The following ERBB4 variants were observed in gnomAD, a reference collection of about 807,000 sequenced individuals.
ERBB4 encodes receptor tyrosine-protein kinase erbB-4.
Under a neutral mutation model 158.0 loss-of-function variants are expected in ERBB4, and 42 were observed. That is an observed-to-expected ratio of 0.27 (90% CI 0.21 to 0.34). The LOEUF is 0.34. Among genes scored for constraint, ERBB4 ranks in the 10% least tolerant of loss-of-function variants. The pLI is 1.00. For synonymous variants in ERBB4, 583 were observed against 558.7 expected (o/e 1.04, Z -0.61); for missense variants, 1,333 against 1,624.1 (o/e 0.82, Z 3.08).
chr2:211,605,240 C>T lies in ERBB4; in HGVS notation c.2301+13937G>A, dbSNP rs576442520. 2.3e-3 allele frequency among the ~76,000 whole-genome samples: 355 copies of T among 152,142 alleles called. 2 individuals carry two copies. Among genetic ancestry groups the T allele is most frequent in the African/African-American group, 8.2e-3 (342 of 41,520 alleles). Reference sequence around the variant, plus strand: ...TATTGATTAGAAATGGGCAATGGTGCCTAAGCCCTGTAATGAGATGAATAC... The same window carrying T: ...TATTGATTAGAAATGGGCAATGGTGTCTAAGCCCTGTAATGAGATGAATAC... On this transcript the variant is annotated intron_variant, in intron 19 of 27. Coordinates refer to ENST00000342788, the MANE Select transcript of ERBB4 (RefSeq NM_005235.3).
At chr2:211,981,839 T>G (rs536265949) in intron 2 of ERBB4, among the ~76,000 whole-genome samples, 27 of 152,362 alleles carry the variant, frequency 1.8e-4, no homozygotes, top group African/African-American at 6.3e-4. Context: ...CAGATTTTGA[T>G]GCCTGAATTT....
At position 211,431,052 on chromosome 2, in the gene ERBB4, C is replaced by T. The variant is rs777679881; in HGVS notation, c.2536G>A (p.Ala846Thr). ...GGAGATTTCACTAAGACATTACGGG[C>T]TGCCAAATCCCGATGAACGAGTCGT... Reference protein sequence around the residue: ...ERRLVHRDLAARNVLVKSPNH... With the variant: ...ERRLVHRDLATRNVLVKSPNH... Residue 846 changes from alanine to threonine, a missense_variant, in exon 21 of 28, where the codon GCC becomes ACC. By Grantham distance (58) the Ala-to-Thr change is moderately conservative. Around this residue, in one of 5 missense-constraint regions of ERBB4, gnomAD observed 314 missense variants for 437.6 expected, o/e 0.72. Coordinates refer to ENST00000342788, the MANE Select transcript of ERBB4 (RefSeq NM_005235.3). The T allele has an allele frequency of 6.2e-7, 1 of 1,613,890 alleles. No individual in the cohort carries two copies. Among genetic ancestry groups the T allele is most frequent in the Non-Finnish European group, 8.5e-7 (1 of 1,179,796 alleles).
chr2:211,457,118 C>A (rs1191063204), intron 20 of ERBB4, among the ~76,000 whole-genome samples: 2 of 152,106 alleles, frequency 1.3e-5, no homozygotes, highest in Non-Finnish European at 2.9e-5. Context: ...GTTTAAGATT[C>A]TTAATTAAGA....
intron 11 of ERBB4, among the ~76,000 whole-genome samples, chr2:211,703,821 T>A (rs764861212): frequency 2.6e-5 from 4 of 152,170 alleles, no homozygotes; most frequent in Non-Finnish European, 5.9e-5. Flanking sequence ...TAACATCTGA[T>A]AAAAATGAAA....
intron 1 of ERBB4, among the ~76,000 whole-genome samples, chr2:212,312,059 T>C (rs1418128963): frequency 6.6e-6 from 1 of 150,956 alleles, no homozygotes. Context: ...AGCCACCCAG[T>C]TGTACTCTGA....
intron 1 of ERBB4, among the ~76,000 whole-genome samples, chr2:212,399,297 A>G (rs2091122606): frequency 6.6e-6 from 1 of 151,924 alleles, no homozygotes; most frequent in African/African-American, 2.4e-5. Context: ...TACCAATCCT[A>G]CCTATAGAAA....
At chr2:211,508,611 C>A (rs779411952) in intron 20 of ERBB4, among the ~76,000 whole-genome samples, 1 of 152,176 alleles carries the variant, frequency 6.6e-6, no homozygotes, top group Non-Finnish European at 1.5e-5. Context: ...TTTGACCCAG[C>A]AATCCCATTA....
At chr2:212,369,738 G>A (rs1490343839) in intron 1 of ERBB4, among the ~76,000 whole-genome samples, 1 of 151,984 alleles carries the variant, frequency 6.6e-6, no homozygotes, top group Non-Finnish European at 1.5e-5. Flanking sequence ...TCTGATGCCT[G>A]GCTGGACTGC....
chr2:212,458,132 T>C (rs139159177), intron 1 of ERBB4, among the ~76,000 whole-genome samples: 21 of 152,234 alleles, frequency 1.4e-4, no homozygotes, highest in African/African-American at 4.6e-4. Context: ...ATGTGTCATA[T>C]ACTTTGCCAT....
chr2:212,003,112 A>AGAAGGAAGGAAGGAAGGAAG lies in ERBB4; in HGVS notation c.235-55516_235-55497dup, dbSNP rs1217270481. Reference sequence around the variant, plus strand: ...GAGAGACAGAGACAGAAAGAAAGAAAGAAGGAAGGAAGGAAGGAAGGAAGG... The same window carrying AGAAGGAAGGAAGGAAGGAAG: ...GAGAGACAGAGACAGAAAGAAAGAAAGAAGGAAGGAAGGAAGGAAGGAAGGAAGGAAGGAAGGAAGGAAGG... On this transcript the variant is annotated intron_variant, in intron 2 of 27. Coordinates refer to ENST00000342788, the MANE Select transcript of ERBB4 (RefSeq NM_005235.3). 2.2e-3 allele frequency among the ~76,000 whole-genome samples: 106 copies of AGAAGGAAGGAAGGAAGGAAG among 48,182 alleles called. 3 individuals carry two copies. Among genetic ancestry groups the AGAAGGAAGGAAGGAAGGAAG allele is most frequent in the South Asian group, 7.1e-3 (6 of 850 alleles). 31.6% of individuals were successfully genotyped at this position (48,182 alleles called of 152,430 possible).
intron 4 of ERBB4, among the ~76,000 whole-genome samples, chr2:211,773,621 TATATATA>T (rs1299366050): frequency 3.2e-5 from 2 of 63,020 alleles, no homozygotes; most frequent in African/African-American, 7.2e-5. Context: ...TATATATATA[TATATATA>T]TATATATATA....
chr2:211,573,435 C>A (rs373326269), intron 19 of ERBB4, among the ~76,000 whole-genome samples: 7 of 152,186 alleles, frequency 4.6e-5, no homozygotes, highest in African/African-American at 1.7e-4. Flanking sequence ...CTTTGGGAGT[C>A]TGAGGTGGGC....
intron 1 of ERBB4, among the ~76,000 whole-genome samples, chr2:212,409,543 C>A (rs1381401177): frequency 6.6e-6 from 1 of 152,032 alleles, no homozygotes; most frequent in Non-Finnish European, 1.5e-5. Context: ...TAAGAATTGG[C>A]ATGTCCTACT....
At chr2:211,993,731 C>G (rs954798862) in intron 2 of ERBB4, among the ~76,000 whole-genome samples, 2 of 150,818 alleles carry the variant, frequency 1.3e-5, no homozygotes, top group African/African-American at 4.9e-5. Context: ...CAGAATTATA[C>G]TGGGAACAAT....
At chr2:212,512,910 T>C (rs1691605865) in intron 1 of ERBB4, among the ~76,000 whole-genome samples, 1 of 152,208 alleles carries the variant, frequency 6.6e-6, no homozygotes, top group African/African-American at 2.4e-5. Flanking sequence ...TCTTTATGCT[T>C]TAATCACTCT....
intron 1 of ERBB4, among the ~76,000 whole-genome samples, chr2:212,435,406 C>A (rs1233784220): frequency 6.6e-6 from 1 of 151,914 alleles, no homozygotes; most frequent in Non-Finnish European, 1.5e-5. Flanking sequence ...TAATTCTGGG[C>A]AACACTTGTA....
intron 2 of ERBB4, among the ~76,000 whole-genome samples, chr2:211,995,758 C>A (rs1426321633): frequency 2.0e-5 from 3 of 152,186 alleles, no homozygotes; most frequent in Non-Finnish European, 4.4e-5. Flanking sequence ...CACCCAGTTC[C>A]TTCAGGTCTC....
intron 4 of ERBB4, among the ~76,000 whole-genome samples, chr2:211,761,345 G>A (rs370957741): frequency 2.6e-4 from 40 of 152,218 alleles, no homozygotes; most frequent in African/African-American, 9.4e-4. Context: ...TAGAGCTAAA[G>A]TACATTATAT....
At chr2:211,530,030 G>T (rs991911342) in intron 20 of ERBB4, among the ~76,000 whole-genome samples, 1 of 151,952 alleles carries the variant, frequency 6.6e-6, no homozygotes, top group Admixed American at 6.6e-5. Context: ...TAAATAAAAA[G>T]CTCCAAATTG....
Sources: allele counts gnomAD v4.1 joint callset (sites outside exome capture counted in the v4.1 genomes callset), GRCh38; gene constraint gnomAD v4.1.1; regional missense constraint gnomAD v4.1.1; transcripts MANE v1.5; gene names NCBI Gene and HGNC (gene_info 2026-07-23, HGNC 2026-07-21).